The following TTC28 variants were observed in gnomAD, a reference collection of about 807,000 sequenced individuals.
The protein encoded by TTC28 is tetratricopeptide repeat protein 28.
A neutral mutation model predicts 198.0 loss-of-function variants in TTC28; 61 were observed. The ratio of observed to expected loss-of-function variants is 0.31; its 90% CI spans 0.25 to 0.38. TTC28 has a LOEUF of 0.38. Among genes scored for constraint, TTC28 ranks in the 10% least tolerant of loss-of-function variants. The probability of loss-of-function intolerance (pLI) is 1.00; values close to 1 mark genes in which losing one functional copy is unlikely to be tolerated. For missense variants in TTC28, 2,678 were observed against 3,164.0 expected, an observed-to-expected ratio of 0.85 and a Z score of 3.69; for synonymous variants, 1,171 against 1,297.8, an observed-to-expected ratio of 0.90 and a Z score of 2.10.
At chr22:28,190,741 T>G (rs1436214871) in intron 5 of TTC28, among the ~76,000 whole-genome samples, 3 of 152,202 alleles carry the variant, frequency 2.0e-5, no homozygotes, top group Admixed American at 2.0e-4. Flanking sequence ...GTATGCATTT[T>G]CAAGTTCCCC....
intron 1 of TTC28, among the ~76,000 whole-genome samples, chr22:28,659,208 C>T (rs892233306): frequency 1.3e-5 from 2 of 152,216 alleles, no homozygotes; most frequent in African/African-American, 4.8e-5. Context: ...AACTCCATCA[C>T]AGTATAAAAA....
At chr22:28,012,762 T>C (rs1938211711) in intron 14 of TTC28, among the ~76,000 whole-genome samples, 2 of 152,180 alleles carry the variant, frequency 1.3e-5, no homozygotes, top group Admixed American at 6.5e-5. Context: ...TCTGCCCGGC[T>C]CGGCCTCCCA....
At chr22:28,500,196 C>T (rs1325641696) in intron 2 of TTC28, among the ~76,000 whole-genome samples, 1 of 152,108 alleles carries the variant, frequency 6.6e-6, no homozygotes, top group African/African-American at 2.4e-5. Context: ...CTTCCTCCTA[C>T]CCCAAGCTCC....
At chr22:28,559,595 C>T (rs2049838751) in intron 2 of TTC28, among the ~76,000 whole-genome samples, 1 of 152,218 alleles carries the variant, frequency 6.6e-6, no homozygotes, top group South Asian at 2.1e-4. Flanking sequence ...CACCTACAGT[C>T]TTGCCTCTCT....
intron 2 of TTC28, among the ~76,000 whole-genome samples, chr22:28,351,935 A>C (rs1049437463): frequency 6.6e-6 from 1 of 152,116 alleles, no homozygotes; most frequent in Non-Finnish European, 1.5e-5. Context: ...TGGCTTATTG[A>C]TACTTACCTC....
chr22:28,390,413 T>C (rs1396710465), intron 2 of TTC28, among the ~76,000 whole-genome samples: 8 of 152,130 alleles, frequency 5.3e-5, no homozygotes, highest in Non-Finnish European at 7.4e-5. Context: ...ACTTTCTGTC[T>C]CGTTGATCTG....
intron 5 of TTC28, among the ~76,000 whole-genome samples, chr22:28,207,254 GGCCTTCAATAAATAGTTC>G (rs1420944926): frequency 1.1e-3 from 153 of 140,406 alleles, no homozygotes; most frequent in Non-Finnish European, 2.0e-3. Context: ...AAAAAAAACA[GGCCTTCAATAAATAGTTC>G]TTTATAGCTG....
At chr22:28,370,562 C>T (rs1328300342) in intron 2 of TTC28, among the ~76,000 whole-genome samples, 5 of 152,138 alleles carry the variant, frequency 3.3e-5, no homozygotes, top group Non-Finnish European at 5.9e-5. Flanking sequence ...CACTGTAATA[C>T]CAATGACTGA....
chr22:28,522,918 G>A (rs1239326138), intron 2 of TTC28, among the ~76,000 whole-genome samples: 1 of 151,934 alleles, frequency 6.6e-6, no homozygotes, highest in African/African-American at 2.4e-5. Flanking sequence ...AATGGGTAAA[G>A]GGTTTCTTTT....
chr22:28,178,134 T>A (rs1923347067), intron 5 of TTC28, among the ~76,000 whole-genome samples: 1 of 152,010 alleles, frequency 6.6e-6, no homozygotes, highest in Non-Finnish European at 1.5e-5. Flanking sequence ...TTTGTTTAAT[T>A]TTCTGTAAAC....
chr22:28,026,338 G>C (rs1009377585), intron 13 of TTC28, among the ~76,000 whole-genome samples: 1 of 152,122 alleles, frequency 6.6e-6, no homozygotes, highest in Non-Finnish European at 1.5e-5. Flanking sequence ...ACAGCCTCCT[G>C]GGTGGGGAAC....
intron 2 of TTC28, among the ~76,000 whole-genome samples, chr22:28,393,086 T>C (rs1197292132): frequency 6.6e-6 from 1 of 152,102 alleles, no homozygotes; most frequent in Non-Finnish European, 1.5e-5. Context: ...TCTTGCTGTG[T>C]TGCTCAGGCT....
At chr22:28,046,368 A>G (rs1403757475) in intron 12 of TTC28, among the ~76,000 whole-genome samples, 1 of 152,198 alleles carries the variant, frequency 6.6e-6, no homozygotes, top group African/African-American at 2.4e-5. Context: ...CTACCAGCCT[A>G]TTTCTCCTAG....
At chr22:28,497,491 TA>T (rs1456913041) in intron 2 of TTC28, among the ~76,000 whole-genome samples, 1 of 152,154 alleles carries the variant, frequency 6.6e-6, no homozygotes, top group African/African-American at 2.4e-5. Context: ...AAAACTTTTT[TA>T]AAAACACGGA....
chr22:28,534,064 T>A (rs1366809804), intron 2 of TTC28, among the ~76,000 whole-genome samples: 1 of 152,148 alleles, frequency 6.6e-6, no homozygotes, highest in African/African-American at 2.4e-5. Flanking sequence ...ACAAATGGGA[T>A]CTAACTAAAG....
At chr22:28,056,747 T>G (rs1475783328) in intron 12 of TTC28, among the ~76,000 whole-genome samples, 1 of 152,222 alleles carries the variant, frequency 6.6e-6, no homozygotes, top group Non-Finnish European at 1.5e-5. Flanking sequence ...TATCAAGATT[T>G]AGAGCATTAC....
chr22:28,597,525 T>G (rs762876404), intron 2 of TTC28, among the ~76,000 whole-genome samples: 9 of 152,166 alleles, frequency 5.9e-5, no homozygotes, highest in African/African-American at 1.7e-4. Flanking sequence ...AATGTGTATA[T>G]TGGAAAGGGC....
At chr22:28,446,941 G>GT (rs1568949232) in intron 2 of TTC28, among the ~76,000 whole-genome samples, 1 of 152,150 alleles carries the variant, frequency 6.6e-6, no homozygotes, top group African/African-American at 2.4e-5. Context: ...TTATAGAGCT[G>GT]TTTTTTCTGA....
intron 13 of TTC28, among the ~76,000 whole-genome samples, chr22:28,028,238 CG>C (rs1251794079): frequency 6.6e-6 from 1 of 152,194 alleles, no homozygotes; most frequent in Non-Finnish European, 1.5e-5. Context: ...GTGCAAGCTC[CG>C]GGGCTGTGGG....
Sources: allele counts gnomAD v4.1 joint callset (sites outside exome capture counted in the v4.1 genomes callset), GRCh38; gene constraint gnomAD v4.1.1; transcripts MANE v1.5; gene names NCBI Gene and HGNC (gene_info 2026-07-23, HGNC 2026-07-21).